The following SLC29A4 variants were observed in gnomAD, a reference collection of about 807,000 sequenced individuals.
The protein encoded by SLC29A4 is solute carrier family 29 member 4, also known as equilibrative nucleoside transporter 4.
SLC29A4 carries 36 observed loss-of-function variants against 43.9 expected under a neutral mutation model. That is an observed-to-expected ratio of 0.82 (90% CI 0.63 to 1.08). The LOEUF (loss-of-function observed/expected upper bound fraction) is 1.08, where lower values mean the gene tolerates loss of function less well. SLC29A4 is among the 50% of genes least tolerant of loss of function. The pLI is 0.00. For missense variants in SLC29A4, 869 were observed against 755.3 expected, an observed-to-expected ratio of 1.15 and a Z score of -1.77; for synonymous variants, 491 against 338.0, an observed-to-expected ratio of 1.45 and a Z score of -4.97.
At position 5,294,814 on chromosome 7, in the gene SLC29A4, A is replaced by G. The variant is rs1225455846; in HGVS notation, c.545-46A>G. The G allele has an allele frequency of 3.2e-6, 5 of 1,586,902 alleles. No individual in the cohort carries two copies. In the African/African-American group the frequency reaches 6.9e-5, roughly 22 times the overall value. On this transcript the variant is annotated intron_variant, in intron 5 of 10. Transcript: ENST00000396872. The stretch of plus-strand genomic sequence containing the variant: ...TCTAGTGCATTTCTCCCAAGTTGAC[A>G]GGTGATAATGGTGCCTCTGGGTTGT...
In SLC29A4 at chr7:5,299,041, C is replaced by T. The variant is rs1194538884; in HGVS notation, c.936C>T (p.Ala312=). The T allele has an allele frequency of 1.9e-6, 3 of 1,612,192 alleles. No individual in the cohort carries two copies. The Admixed American group carries it at 5.0e-5, about 27-fold the overall frequency. The change falls in exon 8 of 11, where the codon GCC becomes GCT. Residue 312 remains alanine, a synonymous_variant. Transcript: ENST00000396872. ...ACGAGTCCCCAAAGGACAGCCCAGCCCACGAGGTGACCGGCAGCGGCGGGG... is the reference window on the plus strand; with the variant it reads ...ACGAGTCCCCAAAGGACAGCCCAGCTCACGAGGTGACCGGCAGCGGCGGGG... ...APNESPKDSP[A]HEVTGSGGAY...
chr7:5,287,121 G>A (rs1161992602), intron 1 of SLC29A4, among the ~76,000 whole-genome samples: 1 of 152,194 alleles, frequency 6.6e-6, no homozygotes, highest in Non-Finnish European at 1.5e-5. Context: ...AGCACCTTGA[G>A]ACACACCAGG....
intron 6 of SLC29A4, among the ~76,000 whole-genome samples, chr7:5,296,180 C>T (rs552846202): frequency 6.6e-6 from 1 of 152,212 alleles, no homozygotes; most frequent in Admixed American, 6.5e-5. Context: ...TCAAAGGTCC[C>T]CATCGGGACA....
chr7:5,289,130 C>A (rs1057247497), intron 2 of SLC29A4, among the ~76,000 whole-genome samples: 1 of 152,296 alleles, frequency 6.6e-6, no homozygotes, highest in African/African-American at 2.4e-5. Flanking sequence ...GGCACGGTGG[C>A]TCATGCCTAT....
In SLC29A4 at chr7:5,303,191, G is replaced by A. The variant is rs775631121; in HGVS notation, c.*252G>A. 3.5e-5 allele frequency: 20 copies of A among 570,106 alleles called. No homozygotes were observed. In the African/African-American group the frequency reaches 3.8e-4, roughly 11 times the overall value. The allele number at this position is 570,106 out of a possible 1,614,324, so 35.3% of individuals were successfully genotyped here. On this transcript the variant is annotated 3_prime_UTR_variant, in exon 11 of 11. Coordinates refer to ENST00000396872, the MANE Select transcript of SLC29A4 (RefSeq NM_153247.4). ...GTGTTCTGCGTTTGGTCTCATACCT[G>A]CGTCTACCTTCCATCTGTGTCCAGC...
intron 7 of SLC29A4, among the ~76,000 whole-genome samples, chr7:5,298,229 G>A (rs1490788454): frequency 3.9e-5 from 6 of 152,186 alleles, no homozygotes; most frequent in Non-Finnish European, 8.8e-5. Context: ...AGGGGCCCAG[G>A]ATGGAAGGGG....
chr7:5,287,289 G>A (rs112955234), intron 1 of SLC29A4, among the ~76,000 whole-genome samples: 382 of 152,126 alleles, frequency 2.5e-3, no homozygotes, highest in African/African-American at 8.7e-3. Flanking sequence ...ATGGTGTTTC[G>A]AACCTGTGGT....
chr7:5,297,792 G>A (rs1370573956), intron 7 of SLC29A4, among the ~76,000 whole-genome samples: 5 of 152,284 alleles, frequency 3.3e-5, no homozygotes, highest in East Asian at 1.9e-4. Flanking sequence ...GGGGATAGGC[G>A]GAGAGGGAGG....
In SLC29A4 at chr7:5,297,096, C is replaced by G; in HGVS notation, c.780C>G (p.Phe260Leu). Residue 260 changes from phenylalanine (F) to leucine (L), a missense_variant, in exon 7 of 11, where the codon TTC becomes TTG. By Grantham distance (22) the Phe-to-Leu change is conservative. Transcript: ENST00000396872. ...TGCGGCGCAGCCGCTTCGTGCTCTTCTATACCACACGGCCGCGTGACAGCC... is the reference window on the plus strand; with the variant it reads ...TGCGGCGCAGCCGCTTCGTGCTCTTGTATACCACACGGCCGCGTGACAGCC... The part of the protein sequence containing the change: ...LLVRRSRFVL[F>L]YTTRPRDSHR... 3 of 1,607,890 alleles carry G rather than the reference C, an allele frequency of 1.9e-6. No homozygotes were observed. Among genetic ancestry groups the G allele is most frequent in the South Asian group, 1.1e-5 (1 of 91,038 alleles).
At position 5,302,988 on chromosome 7, in the gene SLC29A4, C is replaced by T. The variant is rs367580089; in HGVS notation, c.*49C>T. ...ACGCCGAGGGCCTGACCAGGGGCCC[C>T]GAGGCCTGAGGGCCCCTCCCCTGTC... On this transcript the variant is annotated 3_prime_UTR_variant, in exon 11 of 11. Transcript: ENST00000396872. 3.7e-5 allele frequency: 58 copies of T among 1,570,834 alleles called. No homozygotes were observed. In the East Asian group the frequency reaches 3.7e-4, roughly 10 times the overall value.
chr7:5,300,496 C>G lies in SLC29A4; in HGVS notation c.1284C>G (p.Ile428Met), dbSNP rs745409920. The G allele has an allele frequency of 6.2e-7, 1 of 1,611,946 alleles. No individual in the cohort carries two copies. The highest frequency in any genetic ancestry group is 1.7e-5 in the Admixed American group (1 of 60,016). The part of the protein sequence containing the change: ...LACSCLRVVF[I>M]PLFILCVYPS... ...GCTCCTGCCTGCGTGTGGTCTTCAT[C>G]CCCCTCTTCATCCTGTGCGTCTACC... The change falls in exon 10 of 11, where the codon ATC (isoleucine) becomes ATG (methionine). Residue 428 changes from isoleucine (I) to methionine (M), a missense_variant. Coordinates refer to ENST00000396872, the MANE Select transcript of SLC29A4 (RefSeq NM_153247.4).
Position 5,303,936 on chromosome 7 carries a change from GC to G in SLC29A4, c.*1002del. On this transcript the variant is annotated 3_prime_UTR_variant, in exon 11 of 11. Coordinates refer to ENST00000396872, the MANE Select transcript of SLC29A4 (RefSeq NM_153247.4). ...AGACGGTGTTTCCAGGGGGAGGACC[GC>G]CCCCGCTTCCAGATCCCCGGCCCCG... 1 of 152,546 alleles carries G rather than the reference GC, an allele frequency of 6.6e-6. No homozygotes were observed. Among genetic ancestry groups the G allele is most frequent in the Non-Finnish European group, 1.5e-5 (1 of 68,288 alleles). The allele number at this position is 152,546 out of a possible 1,614,324, so 9.4% of individuals were successfully genotyped here.
At position 5,302,880 on chromosome 7, in the gene SLC29A4, G is replaced by A. The variant is rs777774918; in HGVS notation, c.1534G>A (p.Ala512Thr). Residue 512 changes from alanine (A) to threonine (T), a missense_variant, in exon 11 of 11, where the codon GCT becomes ACT. Transcript: ENST00000396872. The stretch of plus-strand genomic sequence containing the variant: ...CTGCACCTACAGCCTCACCCGCGAC[G>A]CTCACGGCAGCTGCCTGCACGCCTC... ...AYCTYSLTRD[A>T]HGSCLHASTA... The A allele has an allele frequency of 3.1e-6, 5 of 1,604,210 alleles. No individual in the cohort carries two copies. The highest frequency in any genetic ancestry group is 2.2e-5 in the East Asian group (1 of 44,536).
At position 5,284,576 on chromosome 7, in the gene SLC29A4, C is replaced by T. The variant is rs542639195; in HGVS notation, c.-9+1494C>T. Among the ~76,000 whole-genome samples, 325 of 152,334 alleles carry T rather than the reference C, an allele frequency of 2.1e-3. 1 individual carries two copies. The highest frequency in any genetic ancestry group is 7.4e-3 in the African/African-American group (307 of 41,582). Reference sequence around the variant, plus strand: ...GGAGTTATTAAGCCAGTGTGCATGTCGTTAAATTTTAACTAAGGGGGGACA... The same window carrying T: ...GGAGTTATTAAGCCAGTGTGCATGTTGTTAAATTTTAACTAAGGGGGGACA... On this transcript the variant is annotated intron_variant, in intron 1 of 10. Coordinates refer to ENST00000396872, the MANE Select transcript of SLC29A4 (RefSeq NM_153247.4).
rs1241755840 is a variant in SLC29A4 at position 5,291,114 on chromosome 7, C to A, written c.302-10C>A. ...CTCCCTGAGCACCTGCTGTCTCTGG[C>A]CCTCTGCAGGGACCTCCATCGTGTT... On this transcript the variant is annotated splice_polypyrimidine_tract_variant and intron_variant, in intron 3 of 10. Coordinates refer to ENST00000396872, the MANE Select transcript of SLC29A4 (RefSeq NM_153247.4). 1 of 1,612,826 alleles carries A rather than the reference C, an allele frequency of 6.2e-7. No homozygotes were observed. Among genetic ancestry groups the A allele is most frequent in the Non-Finnish European group, 8.5e-7 (1 of 1,179,302 alleles).
chr7:5,291,963 A>AGCGTGCACACCG, intron 5 of SLC29A4, 142 bp downstream of exon 5: 1 of 1,196,926 alleles, frequency 8.4e-7, no homozygotes, highest in Non-Finnish European at 1.1e-6. Flanking sequence ...CCTGCATGCC[A>AGCGTGCACACCG]GCGTGCACAC....
chr7:5,290,305 C>A (rs531344329), intron 2 of SLC29A4, among the ~76,000 whole-genome samples: 1 of 152,026 alleles, frequency 6.6e-6, no homozygotes, highest in Non-Finnish European at 1.5e-5. Flanking sequence ...CCTCGTGATC[C>A]GCCCGTCTTG....
intron 1 of SLC29A4, among the ~76,000 whole-genome samples, chr7:5,287,600 G>T (rs1785040593): frequency 6.6e-6 from 1 of 152,180 alleles, no homozygotes; most frequent in Non-Finnish European, 1.5e-5. Flanking sequence ...CACACAGCTG[G>T]GCTGAAAACC....
chr7:5,294,471 C>G (rs1785514255), intron 5 of SLC29A4, among the ~76,000 whole-genome samples: 1 of 152,148 alleles, frequency 6.6e-6, no homozygotes, highest in South Asian at 2.1e-4. Flanking sequence ...CCTGTCTTCT[C>G]TGGAGGGTGA....
Sources: gnomAD v4.1 joint callset for allele counts (sites outside exome capture counted in the v4.1 genomes callset) on GRCh38, gnomAD v4.1.1 for gene constraint, MANE v1.5 for transcripts, NCBI Gene and HGNC (gene_info 2026-07-23, HGNC 2026-07-21) for gene names.